The following NFIA variants were observed in gnomAD, a reference collection of about 807,000 sequenced individuals.
NFIA encodes nuclear factor 1 A-type.
A neutral mutation model predicts 62.8 loss-of-function variants in NFIA; 8 were observed. The ratio of observed to expected loss-of-function variants is 0.13; its 90% confidence interval spans 0.07 to 0.23. The LOEUF is 0.23. Ranked by LOEUF, NFIA falls within the 10% of genes least tolerant of loss-of-function variation. The pLI is 1.00. For missense variants in NFIA, 410 were observed against 642.1 expected, an observed-to-expected ratio of 0.64 and a Z score of 3.91; for synonymous variants, 235 against 238.1, an observed-to-expected ratio of 0.99 and a Z score of 0.12.
chr1:61,308,819 T>C (rs957989356), intron 3 of NFIA, among the ~76,000 whole-genome samples: 1 of 152,228 alleles, frequency 6.6e-6, no homozygotes, highest in South Asian at 2.1e-4. Context: ...GCTGTTGTTA[T>C]TGCTGTTCTT....
At chr1:61,301,469 C>A (rs10489912) in intron 3 of NFIA, among the ~76,000 whole-genome samples, 80,803 of 151,946 alleles carry the variant, frequency 0.53, 24,271 homozygotes, top group African/African-American at 0.83. Context: ...CAGACAGTTC[C>A]CATTGGTGTT....
chr1:61,293,625 C>T, intron 3 of NFIA, among the ~76,000 whole-genome samples: 1 of 151,722 alleles, frequency 6.6e-6, no homozygotes, highest in Admixed American at 6.5e-5. Flanking sequence ...TTGGCATCCA[C>T]CTTTCGAACC....
intron 7 of NFIA, among the ~76,000 whole-genome samples, chr1:61,400,628 T>C (rs186468158): frequency 5.9e-5 from 9 of 152,342 alleles, no homozygotes; most frequent in Admixed American, 5.2e-4. Context: ...TATAATTTTT[T>C]ATGGTGTCAA....
intron 2 of NFIA, among the ~76,000 whole-genome samples, chr1:61,179,804 C>T (rs528090808): frequency 2.1e-4 from 32 of 152,258 alleles, no homozygotes; most frequent in African/African-American, 5.5e-4. Flanking sequence ...AGCCCCCTAT[C>T]GAGTGCAGAG....
intron 9 of NFIA, among the ~76,000 whole-genome samples, chr1:61,424,983 A>ATATCAT (rs1666801887): frequency 6.6e-6 from 1 of 152,274 alleles, no homozygotes; most frequent in South Asian, 2.1e-4. Context: ...ATTGCTAGAC[A>ATATCAT]GTATGACATA....
rs116724183 is a variant in NFIA at position 61,320,536 on chromosome 1, G to A, written c.626-11976G>A. 4.6e-3 allele frequency among the ~76,000 whole-genome samples: 696 copies of A among 152,246 alleles called. 4 individuals carry two copies. The highest frequency in any genetic ancestry group is 0.01 in the Middle Eastern group (3 of 294). ...TATAATAGTACATTTAATATTTGGA[G>A]TCTTAGAAAAGTAATTGTAAGGATT... On this transcript the variant is annotated intron_variant, in intron 3 of 10. Coordinates refer to ENST00000403491, the MANE Select transcript of NFIA (RefSeq NM_001134673.4).
chr1:61,080,054 T>C (rs1488687207), upstream of NFIA, among the ~76,000 whole-genome samples: 1 of 151,850 alleles, frequency 6.6e-6, no homozygotes, highest in Non-Finnish European at 1.5e-5. Flanking sequence ...CTGGCGGAGA[T>C]AGGAGAGAAA....
At chr1:61,210,405 T>TC (rs1653176141) in intron 2 of NFIA, among the ~76,000 whole-genome samples, 1 of 152,188 alleles carries the variant, frequency 6.6e-6, no homozygotes, top group African/African-American at 2.4e-5. Context: ...TGTACTTTTT[T>TC]CCCCCAGAAC....
chr1:61,100,625 G>T (rs1646491721), intron 2 of NFIA, among the ~76,000 whole-genome samples: 2 of 152,120 alleles, frequency 1.3e-5, no homozygotes, highest in African/African-American at 2.4e-5. Context: ...ACAGGGTCTT[G>T]CTCTGTTGCC....
intron 3 of NFIA, among the ~76,000 whole-genome samples, chr1:61,304,667 A>AT (rs55774470): frequency 0.12 from 18,748 of 151,262 alleles, 1,363 homozygotes; most frequent in African/African-American, 0.2. Context: ...CTAAGATCTG[A>AT]TTTTTTTTTT....
At chr1:61,252,973 A>G (rs924988708) in intron 2 of NFIA, among the ~76,000 whole-genome samples, 1 of 152,218 alleles carries the variant, frequency 6.6e-6, no homozygotes, top group African/African-American at 2.4e-5. Flanking sequence ...GATAGAGTTT[A>G]TATCTTGGGA....
chr1:61,234,433 T>TTGATGC (rs1368596249), intron 2 of NFIA, among the ~76,000 whole-genome samples: 3 of 151,900 alleles, frequency 2.0e-5, no homozygotes, highest in African/African-American at 7.3e-5. Flanking sequence ...TTTTGAATGC[T>TTGATGC]TGATGCTGAT....
chr1:61,359,039 A>C, intron 5 of NFIA, 108 bp from the exon 6 acceptor site: 1 of 1,476,918 alleles, frequency 6.8e-7, no homozygotes, highest in Non-Finnish European at 9.2e-7. Flanking sequence ...GAACTACATT[A>C]AGTTGCCCAA....
At chr1:61,255,600 A>G (rs1049244101) in intron 2 of NFIA, among the ~76,000 whole-genome samples, 1 of 152,184 alleles carries the variant, frequency 6.6e-6, no homozygotes, top group Non-Finnish European at 1.5e-5. Context: ...GGTCACATTA[A>G]AAGTATGTTA....
At chr1:61,077,331 G>A (rs1646044266), upstream of NFIA, 1 of 333,916 alleles carries the variant, frequency 3.0e-6, no homozygotes, top group Non-Finnish European at 5.4e-6. Flanking sequence ...AGCCAGCCCG[G>A]GTTGGATCGC....
rs118068617 is a variant in NFIA, at chr1:61,264,823, C to T, written c.560-12697C>T. 2.0e-5 allele frequency among the ~76,000 whole-genome samples: 3 copies of T among 152,006 alleles called. No individual in the cohort carries two copies. The East Asian group carries it at 5.8e-4, about 29-fold the overall frequency. On this transcript the variant is annotated intron_variant, in intron 2 of 10. Transcript: ENST00000403491. The stretch of plus-strand genomic sequence containing the variant: ...CTGAAATGGAAAATATTTTTATCTC[C>T]CCCCAGTGTAACTACAGACAAGAAT...
intron 2 of NFIA, among the ~76,000 whole-genome samples, chr1:61,122,315 A>G (rs1412962075): frequency 1.3e-5 from 2 of 152,224 alleles, no homozygotes; most frequent in Non-Finnish European, 2.9e-5. Flanking sequence ...ACTGGTAAAG[A>G]GTTATAGTGC....
intron 2 of NFIA, among the ~76,000 whole-genome samples, chr1:61,228,627 AATTC>A (rs1486938141): frequency 1.3e-5 from 2 of 152,200 alleles, no homozygotes; most frequent in African/African-American, 4.8e-5. Flanking sequence ...TGCAGTATTC[AATTC>A]ATTCATTCAT....
At chr1:61,079,797 AACTTG>A (rs2100397197), upstream of NFIA, among the ~76,000 whole-genome samples, 1 of 152,158 alleles carries the variant, frequency 6.6e-6, no homozygotes, top group East Asian at 1.9e-4. Context: ...TTACTTTTGC[AACTTG>A]GGAAGAGGGG....
Sources: allele counts gnomAD v4.1 joint callset (sites outside exome capture counted in the v4.1 genomes callset), GRCh38; gene constraint gnomAD v4.1.1; transcripts MANE v1.5; gene names NCBI Gene and HGNC (gene_info 2026-07-23, HGNC 2026-07-21).